MSI2: variants seen among roughly 807,000 people sequenced by gnomAD.
MSI2 encodes the protein RNA-binding protein Musashi homolog 2.
A neutral mutation model predicts 45.6 loss-of-function variants in MSI2; 17 were observed. The observed-to-expected ratio is 0.37, with a 90% CI of 0.26 to 0.56. The LOEUF (loss-of-function observed/expected upper bound fraction) is 0.56, where lower values mean the gene tolerates loss of function less well. Among genes scored for constraint, MSI2 ranks in the 20% least tolerant of loss-of-function variants. The probability of loss-of-function intolerance (pLI) is 0.77; values close to 1 mark genes in which losing one functional copy is unlikely to be tolerated. For synonymous variants in MSI2, 156 were observed against 158.2 expected, an observed-to-expected ratio of 0.99 and a Z score of 0.11; for missense variants, 293 against 444.2, an observed-to-expected ratio of 0.66 and a Z score of 3.06.
intron 6 of MSI2, among the ~76,000 whole-genome samples, chr17:57,451,186 A>G (rs1362626755): frequency 6.6e-6 from 1 of 152,014 alleles, no homozygotes; most frequent in Non-Finnish European, 1.5e-5. Context: ...GGACCCTGAC[A>G]CCTCTCTGAA....
At chr17:57,554,343 G>T (rs997222425) in intron 7 of MSI2, among the ~76,000 whole-genome samples, 2 of 152,114 alleles carry the variant, frequency 1.3e-5, no homozygotes, top group African/African-American at 4.8e-5. Flanking sequence ...AGAGAGCCTT[G>T]TTACTTGCAA....
At chr17:57,520,240 G>A (rs1330595555) in intron 6 of MSI2, among the ~76,000 whole-genome samples, 1 of 152,128 alleles carries the variant, frequency 6.6e-6, no homozygotes, top group African/African-American at 2.4e-5. Context: ...ACAGACTTGT[G>A]GAATCAGAAT....
At chr17:57,271,657 A>G (rs1279312026) in intron 5 of MSI2, among the ~76,000 whole-genome samples, 1 of 150,452 alleles carries the variant, frequency 6.6e-6, no homozygotes, top group Non-Finnish European at 1.5e-5. Flanking sequence ...AAAATGGTGT[A>G]GGAATGTATT....
intron 6 of MSI2, among the ~76,000 whole-genome samples, chr17:57,462,804 TG>T (rs2143631175): frequency 6.6e-6 from 1 of 152,380 alleles, no homozygotes; most frequent in African/African-American, 2.4e-5. Flanking sequence ...CAGAGGCCTC[TG>T]GATAGCCAGA....
chr17:57,304,800 G>A (rs901866834), intron 5 of MSI2, among the ~76,000 whole-genome samples: 5 of 151,982 alleles, frequency 3.3e-5, no homozygotes, highest in Admixed American at 6.6e-5. Flanking sequence ...GCTATTTTTG[G>A]GTAGGTCCTC....
chr17:57,257,755 C>A (rs141680019), intron 3 of MSI2, among the ~76,000 whole-genome samples: 2 of 123,510 alleles, frequency 1.6e-5, no homozygotes, highest in South Asian at 2.6e-4. Flanking sequence ...ACAGAGATAC[C>A]CATCTCTCTG....
chr17:57,562,802 T>A (rs996806089), intron 7 of MSI2, among the ~76,000 whole-genome samples: 2 of 152,124 alleles, frequency 1.3e-5, no homozygotes, highest in African/African-American at 2.4e-5. Context: ...TTTCCTTTTT[T>A]AAAAATGCGT....
At chr17:57,454,269 G>A (rs720237) in intron 6 of MSI2, among the ~76,000 whole-genome samples, 26,091 of 151,926 alleles carry the variant, frequency 0.17, 2,429 homozygotes, top group African/African-American at 0.22. Context: ...CCCACCATCC[G>A]GTGTCACCAC....
chr17:57,409,775 A>G (rs1369836980), intron 6 of MSI2, among the ~76,000 whole-genome samples: 2 of 152,034 alleles, frequency 1.3e-5, no homozygotes, highest in Non-Finnish European at 2.9e-5. Flanking sequence ...TTGGGGGGCC[A>G]AGGCGGGCGA....
At position 57,531,584 on chromosome 17, in the gene MSI2, C is replaced by G. The variant is rs147736131; in HGVS notation, c.454+1860C>G. Among the ~76,000 whole-genome samples the G allele has an allele frequency of 2.6e-5, 4 of 152,314 alleles. No homozygotes were observed. In the East Asian group the frequency reaches 5.8e-4, roughly 22 times the overall value. ...GGGTGATGCCCATTTGAGTTTGGCA[C>G]CTGGTGTTCAGTGTTAGAATTCATA... On this transcript the variant is annotated intron_variant, in intron 7 of 13. Coordinates refer to ENST00000284073, the MANE Select transcript of MSI2 (RefSeq NM_138962.4).
At chr17:57,545,013 C>T (rs1330048317) in intron 7 of MSI2, among the ~76,000 whole-genome samples, 2 of 152,154 alleles carry the variant, frequency 1.3e-5, no homozygotes, top group African/African-American at 4.8e-5. Context: ...AGATTGCTAC[C>T]TGACACTATT....
At chr17:57,559,465 G>C (rs757907911) in intron 7 of MSI2, among the ~76,000 whole-genome samples, 3 of 152,204 alleles carry the variant, frequency 2.0e-5, no homozygotes, top group Non-Finnish European at 4.4e-5. Context: ...TGGCTGGACG[G>C]TGTGGTTCTT....
At chr17:57,389,303 A>G (rs2144071863) in intron 5 of MSI2, among the ~76,000 whole-genome samples, 1 of 152,190 alleles carries the variant, frequency 6.6e-6, no homozygotes, top group South Asian at 2.1e-4. Context: ...TAATAGCTGG[A>G]TTGAAAAGTC....
At chr17:57,329,588 A>AG (rs1914081877) in intron 5 of MSI2, among the ~76,000 whole-genome samples, 1 of 152,132 alleles carries the variant, frequency 6.6e-6, no homozygotes, top group African/African-American at 2.4e-5. Flanking sequence ...GGGGAGGGTT[A>AG]GGGGGTGTGT....
intron 6 of MSI2, among the ~76,000 whole-genome samples, chr17:57,434,761 C>CAT (rs71139992): frequency 0.22 from 33,671 of 150,630 alleles, 3,978 homozygotes; most frequent in South Asian, 0.3. Flanking sequence ...CTGAGTAGTG[C>CAT]ATATATATAT....
chr17:57,575,673 C>T (rs2088019027), intron 7 of MSI2, among the ~76,000 whole-genome samples: 1 of 152,048 alleles, frequency 6.6e-6, no homozygotes, highest in Admixed American at 6.6e-5. Flanking sequence ...GAGCCGGGCG[C>T]GGTGGCTCAG....
intron 10 of MSI2, among the ~76,000 whole-genome samples, chr17:57,648,534 G>A (rs1421266747): frequency 6.6e-6 from 1 of 152,164 alleles, no homozygotes; most frequent in Non-Finnish European, 1.5e-5. Flanking sequence ...CCTGCCTCAG[G>A]AGGAGGAGTC....
chr17:57,481,295 C>T (rs963015260), intron 6 of MSI2, among the ~76,000 whole-genome samples: 1 of 152,262 alleles, frequency 6.6e-6, no homozygotes, highest in South Asian at 2.1e-4. Context: ...AAGCATGGAA[C>T]CAAAATAATC....
At position 57,489,221 on chromosome 17, in the gene MSI2, C is replaced by T. The variant is rs117103908; in HGVS notation, c.406-40455C>T. On this transcript the variant is annotated intron_variant, in intron 6 of 13. Coordinates refer to ENST00000284073, the MANE Select transcript of MSI2 (RefSeq NM_138962.4). Reference sequence around the variant, plus strand: ...AAATCTCCAAGAGTCTCTCCTGCTTCCCACTTCCATGAGTTTATGAAAGAT... The same window carrying T: ...AAATCTCCAAGAGTCTCTCCTGCTTTCCACTTCCATGAGTTTATGAAAGAT... Among the ~76,000 whole-genome samples, 1,252 of 152,314 alleles carry T rather than the reference C, an allele frequency of 8.2e-3. 4 individuals are homozygous for T. The highest frequency in any genetic ancestry group is 0.016 in the South Asian group (77 of 4,820).
Sources: allele counts gnomAD v4.1 joint callset (sites outside exome capture counted in the v4.1 genomes callset), GRCh38; gene constraint gnomAD v4.1.1; transcripts MANE v1.5; gene names NCBI Gene and HGNC (gene_info 2026-07-23, HGNC 2026-07-21).